Variants in PIK3AP1 observed in about 807,000 individuals in gnomAD.
The protein encoded by PIK3AP1 is phosphoinositide 3-kinase adapter protein 1.
In PIK3AP1, 21 loss-of-function variants were observed where a neutral mutation model predicts 88.1. The observed-to-expected ratio is 0.24, with a 90% CI of 0.17 to 0.34. The LOEUF (loss-of-function observed/expected upper bound fraction) is 0.34, where lower values mean the gene tolerates loss of function less well. Ranked by LOEUF, PIK3AP1 falls within the 10% of genes least tolerant of loss-of-function variation. The pLI is 1.00. For synonymous variants in PIK3AP1, 398 were observed against 400.0 expected, an observed-to-expected ratio of 1.00 and a Z score of 0.06; for missense variants, 828 against 1,035.7, an observed-to-expected ratio of 0.80 and a Z score of 2.75.
chr10:96,611,118 G>A (rs954199741), intron 13 of PIK3AP1, among the ~76,000 whole-genome samples: 14 of 152,202 alleles, frequency 9.2e-5, no homozygotes, highest in Admixed American at 5.2e-4. Flanking sequence ...AAGGAGCAGC[G>A]AGAGGACAGG....
intron 1 of PIK3AP1, among the ~76,000 whole-genome samples, chr10:96,719,947 G>A (rs1320907242): frequency 6.6e-6 from 1 of 152,214 alleles, no homozygotes; most frequent in African/African-American, 2.4e-5. Context: ...TGATCTCTCC[G>A]CACCACCTAG....
At chr10:96,640,907 C>G (rs1385494322) in intron 8 of PIK3AP1, among the ~76,000 whole-genome samples, 1 of 152,124 alleles carries the variant, frequency 6.6e-6, no homozygotes, top group Admixed American at 6.5e-5. Flanking sequence ...AAGCAATCCT[C>G]CCGCCTCAGC....
At chr10:96,682,005 TATATATATAGAG>T (rs1844007787) in intron 2 of PIK3AP1, among the ~76,000 whole-genome samples, 2 of 124,946 alleles carry the variant, frequency 1.6e-5, no homozygotes, top group Admixed American at 7.4e-5. Context: ...TATATATATA[TATATATATAGAG>T]AGAGAGAGAG....
intron 16 of PIK3AP1, among the ~76,000 whole-genome samples, chr10:96,599,463 T>C (rs1589476756): frequency 1.3e-5 from 2 of 152,036 alleles, no homozygotes; most frequent in South Asian, 2.1e-4. Flanking sequence ...TGGGATAGCA[T>C]GTAGAGTGAG....
chr10:96,653,050 T>C lies in PIK3AP1; in HGVS notation c.568-208A>G, dbSNP rs113501328. Among the ~76,000 whole-genome samples, 98 of 152,102 alleles carry C rather than the reference T, an allele frequency of 6.4e-4. 1 individual carries two copies. Among genetic ancestry groups the C allele is most frequent in the African/African-American group, 2.3e-3 (95 of 41,500 alleles). ...CACAAAAACCAAGAGTAAATATTTA[T>C]AGCAATTGGATGGAGTCATTTTATG... On this transcript the variant is annotated intron_variant, in intron 3 of 16. Transcript: ENST00000339364.
chr10:96,711,896 G>A lies in PIK3AP1; in HGVS notation c.14-1913C>T, dbSNP rs183098100. ...CTCCCAAGTAGCTGGGACTACAGGC[G>A]CCCGCCATCACGCCCGGCTAATTTT... On this transcript the variant is annotated intron_variant, in intron 1 of 16. Coordinates refer to ENST00000339364, the MANE Select transcript of PIK3AP1 (RefSeq NM_152309.3). 2.6e-5 allele frequency among the ~76,000 whole-genome samples: 4 copies of A among 151,016 alleles called. No individual in the cohort carries two copies. The East Asian group carries it at 7.8e-4, about 29-fold the overall frequency.
intron 15 of PIK3AP1, 81 bp downstream of exon 15, chr10:96,603,898 G>T: frequency 7.8e-7 from 1 of 1,282,742 alleles, no homozygotes; most frequent in Non-Finnish European, 1.1e-6. Flanking sequence ...TTTGTGCCTG[G>T]CTCCTTTCAC....
intron 7 of PIK3AP1, among the ~76,000 whole-genome samples, chr10:96,646,468 C>T (rs890801167): frequency 3.9e-5 from 6 of 152,138 alleles, no homozygotes; most frequent in Non-Finnish European, 8.8e-5. Flanking sequence ...ACTTCTTCTA[C>T]ACCCTAGTGG....
chr10:96,709,455 C>T, intron 2 of PIK3AP1, 112 bp downstream of exon 2: 1 of 1,303,364 alleles, frequency 7.7e-7, no homozygotes, highest in Non-Finnish European at 1.1e-6. Flanking sequence ...ATAAATATGA[C>T]CAGGTCTCTT....
intron 2 of PIK3AP1, among the ~76,000 whole-genome samples, chr10:96,698,646 C>T (rs751429583): frequency 2.0e-5 from 3 of 151,936 alleles, no homozygotes; most frequent in Non-Finnish European, 4.4e-5. Flanking sequence ...GGCAAGAGAA[C>T]TGCTTGAACC....
At chr10:96,618,992 T>C (rs1297955069) in intron 12 of PIK3AP1, among the ~76,000 whole-genome samples, 4 of 152,106 alleles carry the variant, frequency 2.6e-5, no homozygotes, top group African/African-American at 9.7e-5. Flanking sequence ...GGTGCCCCTG[T>C]CTTAAGGAGC....
intron 2 of PIK3AP1, among the ~76,000 whole-genome samples, chr10:96,684,513 T>C (rs1844043942): frequency 6.6e-6 from 1 of 152,202 alleles, no homozygotes. Context: ...TGCTGTACAA[T>C]GTGTTCCACT....
At chr10:96,716,276 T>G (rs919444143) in intron 1 of PIK3AP1, among the ~76,000 whole-genome samples, 1 of 152,150 alleles carries the variant, frequency 6.6e-6, no homozygotes, top group African/African-American at 2.4e-5. Flanking sequence ...AGTGAGACCC[T>G]GTCTCATTAA....
At chr10:96,652,074 A>C (rs528619581) in intron 4 of PIK3AP1, among the ~76,000 whole-genome samples, 1 of 152,084 alleles carries the variant, frequency 6.6e-6, no homozygotes, top group East Asian at 1.9e-4. Context: ...ACTGCAAGTC[A>C]TGAGCTGCTG....
chr10:96,655,656 C>T (rs188579468), intron 3 of PIK3AP1, among the ~76,000 whole-genome samples: 78 of 152,174 alleles, frequency 5.1e-4, no homozygotes, highest in Admixed American at 3.2e-3. Flanking sequence ...TATGGGGGGG[C>T]GGGTCTTTCC....
At chr10:96,596,209 G>A (rs1848750377) in intron 16 of PIK3AP1, among the ~76,000 whole-genome samples, 1 of 152,146 alleles carries the variant, frequency 6.6e-6, no homozygotes, top group Non-Finnish European at 1.5e-5. Context: ...GGTACCAGAC[G>A]ACTAGAGTCA....
intron 4 of PIK3AP1, among the ~76,000 whole-genome samples, chr10:96,652,063 C>T (rs1843545819): frequency 1.3e-5 from 2 of 151,918 alleles, no homozygotes. Context: ...TGAACTGGCT[C>T]ACTGCAAGTC....
At chr10:96,645,332 T>C (rs1036262249) in intron 8 of PIK3AP1, 141 bp downstream of exon 8, 17 of 791,188 alleles carry the variant, frequency 2.1e-5, no homozygotes, top group Middle Eastern at 3.3e-4. Flanking sequence ...ACTCCAGCCC[T>C]AGCTTTGTGT....
At chr10:96,605,285 C>A (rs1228680797) in intron 14 of PIK3AP1, among the ~76,000 whole-genome samples, 1 of 152,190 alleles carries the variant, frequency 6.6e-6, no homozygotes, top group Non-Finnish European at 1.5e-5. Flanking sequence ...TTCAGGGCAT[C>A]TTTTACTGTG....
Sources: gnomAD v4.1 joint callset for allele counts (sites outside exome capture counted in the v4.1 genomes callset) on GRCh38, gnomAD v4.1.1 for gene constraint, MANE v1.5 for transcripts, NCBI Gene and HGNC (gene_info 2026-07-23, HGNC 2026-07-21) for gene names.